SLMAP: variants seen among roughly 807,000 people sequenced by gnomAD.
The protein encoded by SLMAP is sarcolemma associated protein, also known as sarcolemmal membrane-associated protein.
In SLMAP, 44 loss-of-function variants were observed where a neutral mutation model predicts 128.8. The observed-to-expected ratio is 0.34, with a 90% CI of 0.27 to 0.44. The LOEUF is 0.44. Ranked by LOEUF, SLMAP falls within the 20% of genes least tolerant of loss-of-function variation. The pLI is 1.00. For synonymous variants in SLMAP, 327 were observed against 348.8 expected (o/e 0.94, Z 0.70); for missense variants, 787 against 985.3 (o/e 0.80, Z 2.69).
Position 57,921,420 on chromosome 3 carries a change from A to G in SLMAP, c.2311-1469A>G, listed in dbSNP as rs140161595. On this transcript the variant is annotated intron_variant, in intron 22 of 24. Coordinates refer to ENST00000671191, the MANE Select transcript of SLMAP (RefSeq NM_001377540.1). ...AGCAGGTGGATCACCCTAGGCCAGG[A>G]GTTCAAGACCATCCTGGCCAACATG... 9.9e-5 allele frequency among the ~76,000 whole-genome samples: 15 copies of G among 152,222 alleles called. 1 individual carries two copies. In the East Asian group the frequency reaches 2.9e-3, roughly 30 times the overall value.
chr3:57,817,785 C>T (rs553046890), intron 2 of SLMAP, among the ~76,000 whole-genome samples: 1 of 152,278 alleles, frequency 6.6e-6, no homozygotes, highest in Admixed American at 6.5e-5. Flanking sequence ...AACTGGAAAA[C>T]CCAAATTTAT....
chr3:57,765,899 T>G (rs1392496303), intron 2 of SLMAP, among the ~76,000 whole-genome samples: 1 of 152,150 alleles, frequency 6.6e-6, no homozygotes, highest in Non-Finnish European at 1.5e-5. Context: ...ATATCGACAG[T>G]GTATATACTT....
intron 19 of SLMAP, among the ~76,000 whole-genome samples, chr3:57,911,668 A>C (rs2096702348): frequency 6.6e-6 from 1 of 152,192 alleles, no homozygotes; most frequent in Non-Finnish European, 1.5e-5. Flanking sequence ...TACACACATG[A>C]GGTGTACAGT....
At chr3:57,916,279 G>A (rs1559553866) in intron 21 of SLMAP, among the ~76,000 whole-genome samples, 1 of 152,194 alleles carries the variant, frequency 6.6e-6, no homozygotes. Context: ...AGTTATGTCT[G>A]TATTACGTGG....
At chr3:57,848,220 C>T (rs998725648) in intron 5 of SLMAP, among the ~76,000 whole-genome samples, 89 of 147,866 alleles carry the variant, frequency 6.0e-4, no homozygotes, top group African/African-American at 2.1e-3. Context: ...TTCTTTCCTC[C>T]TTTTCCTCCT....
At chr3:57,866,352 A>G (rs1380840860) in intron 13 of SLMAP, among the ~76,000 whole-genome samples, 2 of 152,184 alleles carry the variant, frequency 1.3e-5, no homozygotes, top group Non-Finnish European at 2.9e-5. Flanking sequence ...TTGGGCAGCA[A>G]TCAAACTGGT....
At chr3:57,912,770 A>C in intron 20 of SLMAP, 69 bp downstream of exon 20, 1 of 1,198,342 alleles carries the variant, frequency 8.3e-7, no homozygotes, top group Non-Finnish European at 1.2e-6. Flanking sequence ...TGTTTAAAAA[A>C]GAAACATGCA....
At chr3:57,925,016 AT>A (rs2096980382) in intron 23 of SLMAP, among the ~76,000 whole-genome samples, 2 of 148,386 alleles carry the variant, frequency 1.3e-5, no homozygotes, top group African/African-American at 5.0e-5. Flanking sequence ...GTGCAGTGGC[AT>A]GATCTCACCT....
intron 13 of SLMAP, among the ~76,000 whole-genome samples, chr3:57,868,411 C>T (rs1215840755): frequency 2.7e-5 from 4 of 150,650 alleles, no homozygotes; most frequent in Non-Finnish European, 5.9e-5. Flanking sequence ...GACCCCATCT[C>T]TAAAAAGAAA....
At chr3:57,853,289 C>T (rs557669637) in intron 6 of SLMAP, among the ~76,000 whole-genome samples, 14 of 152,190 alleles carry the variant, frequency 9.2e-5, no homozygotes, top group African/African-American at 2.4e-4. Flanking sequence ...ATTCTTTAAC[C>T]GATAGCTTTA....
In SLMAP at chr3:57,927,906, A is replaced by G. The variant is rs1423647520; in HGVS notation, c.*617A>G. 1 of 152,094 alleles carries G rather than the reference A, an allele frequency of 6.6e-6. No individual in the cohort carries two copies. The highest frequency in any genetic ancestry group is 2.4e-5 in the African/African-American group (1 of 41,322). 9.4% of individuals were successfully genotyped at this position (152,094 alleles called of 1,614,324 possible). A position where few individuals can be genotyped will look rare whatever the true frequency, so the allele number is the denominator to read the frequency against. ...TTACTTGTTATGAAACCACTGAGCT[A>G]TTGGGAACAAGACTTAGAGACAACT... On this transcript the variant is annotated 3_prime_UTR_variant, in exon 25 of 25. Coordinates refer to ENST00000671191, the MANE Select transcript of SLMAP (RefSeq NM_001377540.1).
At chr3:57,759,791 A>C (rs1291626956) in intron 2 of SLMAP, among the ~76,000 whole-genome samples, 3 of 151,982 alleles carry the variant, frequency 2.0e-5, no homozygotes, top group African/African-American at 7.3e-5. Flanking sequence ...CTCGAAGGGG[A>C]CTCCCATTTT....
chr3:57,861,121 A>G (rs780435507), intron 9 of SLMAP, among the ~76,000 whole-genome samples: 5 of 149,178 alleles, frequency 3.4e-5, no homozygotes, highest in Non-Finnish European at 7.5e-5. Context: ...AGACCATGAT[A>G]TGTGCTGGGG....
At chr3:57,769,893 A>T (rs186328746) in intron 2 of SLMAP, among the ~76,000 whole-genome samples, 1 of 152,342 alleles carries the variant, frequency 6.6e-6, no homozygotes, top group African/African-American at 2.4e-5. Flanking sequence ...GAGAAGTTGT[A>T]GTGCCAGAGT....
At chr3:57,892,990 C>T (rs750752494) in intron 15 of SLMAP, among the ~76,000 whole-genome samples, 10 of 151,948 alleles carry the variant, frequency 6.6e-5, no homozygotes, top group Middle Eastern at 3.4e-3. Context: ...CCCACTACCA[C>T]GCCTGGCTAA....
intron 15 of SLMAP, among the ~76,000 whole-genome samples, chr3:57,895,179 G>A (rs1429314315): frequency 6.6e-6 from 1 of 151,888 alleles, no homozygotes; most frequent in Non-Finnish European, 1.5e-5. Context: ...TTACAGATGA[G>A]GATCTGGGGC....
chr3:57,906,310 C>CTTTTTCTTTTTTTTTTTTTTTTTTTTTT (rs2096549127), intron 17 of SLMAP, among the ~76,000 whole-genome samples: 4 of 47,044 alleles, frequency 8.5e-5, no homozygotes, highest in East Asian at 9.8e-4. Flanking sequence ...CTTTTTTTTT[C>CTTTTTCTTTTTTTTTTTTTTTTTTTTTT]TTTTTTTTTT....
chr3:57,870,360 A>T (rs1056464551), intron 13 of SLMAP, among the ~76,000 whole-genome samples: 4 of 151,988 alleles, frequency 2.6e-5, no homozygotes, highest in Admixed American at 1.3e-4. Flanking sequence ...GATTTTTTTT[A>T]AATTTCAAAT....
chr3:57,898,115 C>T (rs1327309388), intron 17 of SLMAP: 1 of 151,992 alleles, frequency 6.6e-6, no homozygotes, highest in Non-Finnish European at 1.5e-5. Context: ...TTGTCCAGAC[C>T]CCGAGCTTTG....
Sources: gnomAD v4.1 joint callset for allele counts (sites outside exome capture counted in the v4.1 genomes callset) on GRCh38, gnomAD v4.1.1 for gene constraint, MANE v1.5 for transcripts, NCBI Gene and HGNC (gene_info 2026-07-23, HGNC 2026-07-21) for gene names.